Variants in ARL6IP6 observed in about 807,000 individuals in gnomAD.
The protein encoded by ARL6IP6 is ARF like GTPase 6 interacting protein 6.
ARL6IP6 carries 22 observed loss-of-function variants against 21.5 expected under a neutral mutation model. That is an observed-to-expected ratio of 1.02 (90% CI 0.73 to 1.46). ARL6IP6 has a LOEUF of 1.46. Ranked by LOEUF, ARL6IP6 falls within the 40% of genes most tolerant of loss-of-function variation. The probability of loss-of-function intolerance (pLI) is 0.00; values close to 1 mark genes in which losing one functional copy is unlikely to be tolerated. For missense variants in ARL6IP6, 388 were observed against 299.8 expected (o/e 1.29, Z -2.17); for synonymous variants, 164 against 125.3 (o/e 1.31, Z -2.06).
At chr2:152,754,618 T>C (rs1464888542) in intron 3 of ARL6IP6, among the ~76,000 whole-genome samples, 2 of 152,212 alleles carry the variant, frequency 1.3e-5, no homozygotes, top group African/African-American at 4.8e-5. Flanking sequence ...ACTCTGTGTT[T>C]AACTTTTTAA....
intron 3 of ARL6IP6, among the ~76,000 whole-genome samples, chr2:152,758,928 C>CT (rs1442361536): frequency 6.6e-6 from 1 of 152,192 alleles, no homozygotes; most frequent in Non-Finnish European, 1.5e-5. Flanking sequence ...GTGCACCTTC[C>CT]TGTGTGTCCT....
chr2:152,719,714 C>G (rs962393862), intron 1 of ARL6IP6, among the ~76,000 whole-genome samples: 1 of 145,438 alleles, frequency 6.9e-6, no homozygotes, highest in Non-Finnish European at 1.5e-5. Context: ...GTTTAAATTT[C>G]CATTCTCACT....
chr2:152,758,574 T>C (rs796385079), intron 3 of ARL6IP6, among the ~76,000 whole-genome samples: 7 of 152,280 alleles, frequency 4.6e-5, no homozygotes, highest in African/African-American at 1.2e-4. Flanking sequence ...TAATAACACA[T>C]GAGAAGCATC....
At chr2:152,724,654 A>G (rs1049479142) in intron 2 of ARL6IP6, among the ~76,000 whole-genome samples, 2 of 152,204 alleles carry the variant, frequency 1.3e-5, no homozygotes, top group African/African-American at 4.8e-5. Flanking sequence ...CTGTAGTCCA[A>G]CTTTGGTGGT....
intron 2 of ARL6IP6, among the ~76,000 whole-genome samples, chr2:152,724,186 CCG>C (rs1281459178): frequency 2.7e-5 from 4 of 149,878 alleles, no homozygotes; most frequent in Non-Finnish European, 5.9e-5. Flanking sequence ...ATCTGGGTTT[CCG>C]AATTGATTGG....
chr2:152,725,060 A>C (rs1159688685), intron 2 of ARL6IP6, among the ~76,000 whole-genome samples: 1 of 152,162 alleles, frequency 6.6e-6, no homozygotes, highest in African/African-American at 2.4e-5. Context: ...TCATTTCTGA[A>C]TTATTTCGAG....
At chr2:152,725,958 TTA>T (rs1416225074) in intron 2 of ARL6IP6, among the ~76,000 whole-genome samples, 2 of 148,012 alleles carry the variant, frequency 1.4e-5, no homozygotes, top group East Asian at 3.9e-4. Flanking sequence ...CTCTTTGGAC[TTA>T]TATGATAAAA....
intron 3 of ARL6IP6, among the ~76,000 whole-genome samples, chr2:152,738,617 A>G (rs1443980148): frequency 6.6e-6 from 1 of 152,172 alleles, no homozygotes; most frequent in Non-Finnish European, 1.5e-5. Flanking sequence ...CTCTGAAGCA[A>G]CAGTGTACAT....
chr2:152,727,721 G>A (rs1299225609), intron 2 of ARL6IP6, among the ~76,000 whole-genome samples: 2 of 151,424 alleles, frequency 1.3e-5, no homozygotes, highest in African/African-American at 2.4e-5. Context: ...GTAACATGCC[G>A]CACAGGTCTG....
chr2:152,727,380 A>G (rs963025939), intron 2 of ARL6IP6, among the ~76,000 whole-genome samples: 5 of 152,224 alleles, frequency 3.3e-5, no homozygotes, highest in African/African-American at 1.2e-4. Flanking sequence ...AAATTTATAA[A>G]GTAAGAAAGT....
intron 3 of ARL6IP6, among the ~76,000 whole-genome samples, chr2:152,758,823 C>T (rs960890363): frequency 2.6e-5 from 4 of 152,150 alleles, no homozygotes; most frequent in Non-Finnish European, 4.4e-5. Flanking sequence ...CTGGCTTTGG[C>T]TACTCCTTAG....
At chr2:152,752,023 TTA>T (rs1701356428) in intron 3 of ARL6IP6, among the ~76,000 whole-genome samples, 1 of 152,220 alleles carries the variant, frequency 6.6e-6, no homozygotes, top group Non-Finnish European at 1.5e-5. Context: ...ATTTCAGAAA[TTA>T]TAGTCATTTT....
chr2:152,755,751 G>A (rs936496518), intron 3 of ARL6IP6, among the ~76,000 whole-genome samples: 2 of 152,136 alleles, frequency 1.3e-5, no homozygotes, highest in Admixed American at 1.3e-4. Context: ...TGGTCTCCGC[G>A]AATTGGTGGT....
chr2:152,741,014 C>T (rs1346116075), intron 3 of ARL6IP6, among the ~76,000 whole-genome samples: 2 of 152,106 alleles, frequency 1.3e-5, no homozygotes, highest in Non-Finnish European at 2.9e-5. Context: ...TTGAAATCTT[C>T]AGACTTTTAT....
At chr2:152,720,478 TA>T (rs1699733224) in intron 1 of ARL6IP6, 54 bp from the exon 2 acceptor site, 1 of 1,556,718 alleles carries the variant, frequency 6.4e-7, no homozygotes, top group Admixed American at 1.7e-5. Flanking sequence ...GCCCTTGAGT[TA>T]CTTTTCAAAT....
chr2:152,720,909 A>G (rs1159971364), intron 2 of ARL6IP6, among the ~76,000 whole-genome samples: 4 of 152,158 alleles, frequency 2.6e-5, no homozygotes, highest in Admixed American at 6.5e-5. Context: ...TGGGCAACAT[A>G]GTGAGACCCT....
Position 152,759,991 on chromosome 2 carries a change from C to A in ARL6IP6, c.*151C>A. The A allele has an allele frequency of 3.3e-6, 2 of 607,020 alleles. No individual in the cohort carries two copies. The highest frequency in any genetic ancestry group is 2.8e-5 in the East Asian group (1 of 35,088). The allele number at this position is 607,020 out of a possible 1,614,324, so 37.6% of individuals were successfully genotyped here. A position where few individuals can be genotyped will look rare whatever the true frequency, so the allele number is the denominator to read the frequency against. ...TCACAATCATCCTCATTATGGAAGA[C>A]CTTTTAAAGCATTGTTTTAGAATGT... On this transcript the variant is annotated 3_prime_UTR_variant, in exon 4 of 4. Transcript: ENST00000326446.
chr2:152,751,056 G>GT (rs1029166755), intron 3 of ARL6IP6, among the ~76,000 whole-genome samples: 1 of 151,724 alleles, frequency 6.6e-6, no homozygotes, highest in East Asian at 1.9e-4. Context: ...TTTTTTTCTT[G>GT]TTTTTTTCTT....
At chr2:152,749,855 T>G (rs1000727665) in intron 3 of ARL6IP6, among the ~76,000 whole-genome samples, 1 of 152,236 alleles carries the variant, frequency 6.6e-6, no homozygotes, top group Non-Finnish European at 1.5e-5. Context: ...TAGCTTATCT[T>G]TCAGGATATG....
Sources: gnomAD v4.1 joint callset for allele counts (sites outside exome capture counted in the v4.1 genomes callset) on GRCh38, gnomAD v4.1.1 for gene constraint, MANE v1.5 for transcripts, NCBI Gene and HGNC (gene_info 2026-07-23, HGNC 2026-07-21) for gene names.